HPCAL1: variants seen among roughly 807,000 people sequenced by gnomAD.
HPCAL1 encodes the protein hippocalcin-like protein 1.
HPCAL1 carries 8 observed loss-of-function variants against 17.1 expected under a neutral mutation model. That is an observed-to-expected ratio of 0.47 (90% confidence interval 0.27 to 0.84). The LOEUF is 0.84. Among genes scored for constraint, HPCAL1 ranks in the 40% least tolerant of loss-of-function variants. HPCAL1 has a pLI of 0.13. For missense variants in HPCAL1, 165 were observed against 271.1 expected (o/e 0.61, Z 2.75); for synonymous variants, 112 against 111.4 (o/e 1.01, Z -0.03).
chr2:10,346,758 A>G (rs1216439200), intron 1 of HPCAL1, among the ~76,000 whole-genome samples: 1 of 152,096 alleles, frequency 6.6e-6, no homozygotes, highest in Non-Finnish European at 1.5e-5. Context: ...CGAGACTGTG[A>G]GAGCTTCTCA....
chr2:10,401,136 G>A (rs532484427), intron 2 of HPCAL1, among the ~76,000 whole-genome samples: 43 of 152,244 alleles, frequency 2.8e-4, no homozygotes, highest in South Asian at 2.7e-3. Flanking sequence ...TGCTGGCCCC[G>A]GGTCTCCAGG....
At chr2:10,416,830 G>A (rs13383055) in intron 2 of HPCAL1, among the ~76,000 whole-genome samples, 42,833 of 151,804 alleles carry the variant, frequency 0.28, 7,777 homozygotes, top group African/African-American at 0.52. Context: ...GCTGGCAGGC[G>A]TCATCCCCAA....
chr2:10,426,489 T>C (rs1671415159), intron 4 of HPCAL1: 3 of 521,062 alleles, frequency 5.8e-6, no homozygotes, highest in Non-Finnish European at 1.0e-5. Flanking sequence ...CCTGCTGAGC[T>C]TGCTGGGTAA....
At chr2:10,332,507 G>T (rs1263067957) in intron 1 of HPCAL1, among the ~76,000 whole-genome samples, 1 of 152,158 alleles carries the variant, frequency 6.6e-6, no homozygotes, top group Non-Finnish European at 1.5e-5. Flanking sequence ...GGAGGTGGGG[G>T]GTAGCCGTGC....
chr2:10,322,070 T>C (rs1663701168), intron 1 of HPCAL1, among the ~76,000 whole-genome samples: 1 of 152,186 alleles, frequency 6.6e-6, no homozygotes, highest in East Asian at 1.9e-4. Context: ...TTGCCCAGGC[T>C]GAAGTGCAGT....
At chr2:10,349,480 G>T (rs948931201) in intron 1 of HPCAL1, among the ~76,000 whole-genome samples, 4 of 138,410 alleles carry the variant, frequency 2.9e-5, no homozygotes, top group African/African-American at 1.0e-4. Flanking sequence ...GGCTGAGGCG[G>T]GTGGATCATG....
chr2:10,312,323 ATC>A (rs1367516961), intron 1 of HPCAL1, among the ~76,000 whole-genome samples: 1 of 13,614 alleles, frequency 7.3e-5, no homozygotes, highest in African/African-American at 9.1e-4. Context: ...TCATCATCAT[ATC>A]ATCATCATCA....
At chr2:10,308,562 A>G (rs1186232588) in intron 1 of HPCAL1, among the ~76,000 whole-genome samples, 2 of 152,156 alleles carry the variant, frequency 1.3e-5, no homozygotes, top group East Asian at 3.8e-4. Context: ...TCTTCTAGTT[A>G]GAATCAATTT....
intron 1 of HPCAL1, among the ~76,000 whole-genome samples, chr2:10,313,142 T>C (rs73914043): frequency 0.03 from 4,510 of 152,326 alleles, 222 homozygotes; most frequent in African/African-American, 0.1. Context: ...TGAGAACCAC[T>C]GATCTAGAAG....
At chr2:10,378,170 G>A (rs1667699552) in intron 1 of HPCAL1, among the ~76,000 whole-genome samples, 1 of 150,288 alleles carries the variant, frequency 6.7e-6, no homozygotes, top group Non-Finnish European at 1.5e-5. Flanking sequence ...GTCTTGCAGA[G>A]TCAGGATTCT....
intron 2 of HPCAL1, among the ~76,000 whole-genome samples, chr2:10,404,803 C>T (rs533579042): frequency 3.3e-5 from 5 of 152,324 alleles, no homozygotes; most frequent in Admixed American, 1.3e-4. Context: ...TCTAGGCCAC[C>T]GTGGTCCCAG....
At chr2:10,398,905 G>C (rs1462600544) in intron 2 of HPCAL1, among the ~76,000 whole-genome samples, 1 of 152,038 alleles carries the variant, frequency 6.6e-6, no homozygotes, top group East Asian at 1.9e-4. Context: ...GCATGTGAAG[G>C]GGCCACTTCC....
intron 1 of HPCAL1, among the ~76,000 whole-genome samples, chr2:10,390,930 C>T (rs1476139164): frequency 6.6e-6 from 1 of 152,212 alleles, no homozygotes; most frequent in Non-Finnish European, 1.5e-5. Context: ...CCTTAGAGAA[C>T]ATGAATATTC....
chr2:10,392,681 G>GC (rs1668779777), intron 1 of HPCAL1, among the ~76,000 whole-genome samples: 1 of 152,196 alleles, frequency 6.6e-6, no homozygotes, highest in African/African-American at 2.4e-5. Flanking sequence ...AGTGGAAGCA[G>GC]GGAGAGGTGA....
At position 10,395,794 on chromosome 2, in the gene HPCAL1, C is replaced by T. The variant is rs961598944; in HGVS notation, c.-110-1041C>T. ...GCTCCTGTAAGCCTCCATTTTTCCC[C>T]GTCTGTCAAATGGGGATGATGATTG... is the stretch of plus-strand genomic sequence containing the variant. On this transcript the variant is annotated intron_variant, in intron 1 of 4. Transcript: ENST00000307845. This position sits in a 1 kb window ranked among gnomAD's most constrained non-coding sequence, Gnocchi z 4.4. Among the ~76,000 whole-genome samples the T allele has an allele frequency of 5.3e-5, 8 of 152,110 alleles. No homozygotes were observed. The highest frequency in any genetic ancestry group is 4.4e-5 in the Non-Finnish European group (3 of 68,026).
chr2:10,304,931 A>T lies in HPCAL1; in HGVS notation c.-111+1754A>T, dbSNP rs1662523154. Among the ~76,000 whole-genome samples the T allele has an allele frequency of 6.6e-6, 1 of 152,124 alleles. No individual in the cohort carries two copies. ...ATGCGCTTCCCAACTGTCAGGGGCT[A>T]CGTGATGGTGTTCCCAGAGAGGCGG... On this transcript the variant is annotated intron_variant, in intron 1 of 4. Transcript: ENST00000307845. The surrounding 1 kb of genome is among the most constrained non-coding windows in gnomAD (Gnocchi z 4.1).
intron 2 of HPCAL1, chr2:10,408,583 A>C (rs571102161): frequency 6.6e-6 from 1 of 152,390 alleles, no homozygotes; most frequent in South Asian, 2.1e-4. Flanking sequence ...CCAGCTCCAA[A>C]GAGAAGGAGG....
At chr2:10,393,694 T>C (rs1668839592) in intron 1 of HPCAL1, among the ~76,000 whole-genome samples, 1 of 152,172 alleles carries the variant, frequency 6.6e-6, no homozygotes, top group African/African-American at 2.4e-5. Context: ...GGGACCTCAA[T>C]GTGGAGATAG....
At chr2:10,412,906 T>C (rs1199501790) in intron 2 of HPCAL1, among the ~76,000 whole-genome samples, 2 of 152,186 alleles carry the variant, frequency 1.3e-5, no homozygotes, top group Non-Finnish European at 2.9e-5. Flanking sequence ...ACAGTCTTTC[T>C]TTTCTTTTTC....
Sources: allele counts gnomAD v4.1 joint callset (sites outside exome capture counted in the v4.1 genomes callset), GRCh38; gene constraint gnomAD v4.1.1; non-coding constraint Gnocchi (gnomAD v3.1); transcripts MANE v1.5; gene names NCBI Gene and HGNC (gene_info 2026-07-23, HGNC 2026-07-21).